Variants in MLLT10 observed in about 807,000 individuals in gnomAD.
MLLT10 encodes MLLT10 histone lysine methyltransferase DOT1L cofactor.
In MLLT10, 30 loss-of-function variants were observed where a neutral mutation model predicts 129.1. The ratio of observed to expected loss-of-function variants is 0.23; its 90% CI spans 0.17 to 0.32. MLLT10 has a LOEUF of 0.32. Ranked by LOEUF, MLLT10 falls within the 10% of genes least tolerant of loss-of-function variation. The probability of loss-of-function intolerance (pLI) is 1.00; values close to 1 mark genes in which losing one functional copy is unlikely to be tolerated. For missense variants in MLLT10, 1,119 were observed against 1,268.3 expected (o/e 0.88, Z 1.79); for synonymous variants, 490 against 446.4 (o/e 1.10, Z -1.23).
intron 3 of MLLT10, among the ~76,000 whole-genome samples, chr10:21,548,699 A>G (rs1254685237): frequency 6.6e-6 from 1 of 152,076 alleles, no homozygotes; most frequent in Non-Finnish European, 1.5e-5. Flanking sequence ...TACTGATAAT[A>G]TCTTTAACTC....
intron 9 of MLLT10, among the ~76,000 whole-genome samples, chr10:21,658,615 G>A (rs553033362): frequency 6.6e-6 from 1 of 152,292 alleles, no homozygotes; most frequent in East Asian, 1.9e-4. Context: ...TGAATACCAA[G>A]GAGTGGAATG....
Position 21,742,334 on chromosome 10 carries a change from TAGCAAA to T in MLLT10, c.*353_*358del, listed in dbSNP as rs149994406. ...TTTGTTTATAAATTGGAGATGCAAATAGCAAAACTAAATACTTGCTCCATTTACAAA... is the reference window on the plus strand; with the variant it reads ...TTTGTTTATAAATTGGAGATGCAAATACTAAATACTTGCTCCATTTACAAA... On this transcript the variant is annotated 3_prime_UTR_variant, in exon 23 of 23. Coordinates refer to ENST00000307729, the MANE Select transcript of MLLT10 (RefSeq NM_001195626.3). 643 of 256,768 alleles carry T rather than the reference TAGCAAA, an allele frequency of 2.5e-3. 1 individual carries two copies. The highest frequency in any genetic ancestry group is 3.7e-3 in the Non-Finnish European group (500 of 134,748). 15.9% of individuals were successfully genotyped at this position (256,768 alleles called of 1,614,324 possible). A position where few individuals can be genotyped will look rare whatever the true frequency, so the allele number is the denominator to read the frequency against.
chr10:21,678,763 A>G (rs968140436), intron 11 of MLLT10, among the ~76,000 whole-genome samples: 4 of 152,334 alleles, frequency 2.6e-5, no homozygotes, highest in Admixed American at 1.3e-4. Context: ...ATGCTATCTC[A>G]TTCAGCTTGG....
chr10:21,740,134 C>T lies in MLLT10; in HGVS notation c.3060C>T (p.Pro1020=), dbSNP rs898770797. Residue 1020 remains proline, a synonymous_variant, in exon 22 of 23, where the codon CCC becomes CCT. Transcript: ENST00000307729. ...AGATCCCTGGACCAACACAAATACC[C>T]ATAAACAACCTTCTTGCAGGTACAC... ...QLQIPGPTQI[P]INNLLAGTQA... The T allele has an allele frequency of 1.2e-6, 2 of 1,614,056 alleles. No homozygotes were observed. The highest frequency in any genetic ancestry group is 1.7e-5 in the Admixed American group (1 of 59,994).
intron 3 of MLLT10, among the ~76,000 whole-genome samples, chr10:21,573,191 G>A (rs972397064): frequency 6.6e-6 from 1 of 151,996 alleles, no homozygotes; most frequent in Non-Finnish European, 1.5e-5. Context: ...CTTACAGAAT[G>A]GACTTAATCT....
chr10:21,698,369 T>C (rs1029116733), intron 13 of MLLT10, among the ~76,000 whole-genome samples: 1 of 152,204 alleles, frequency 6.6e-6, no homozygotes, highest in Non-Finnish European at 1.5e-5. Flanking sequence ...TGATCTCCAG[T>C]TCCATCCATG....
intron 13 of MLLT10, 37 bp from the exon 14 acceptor site, chr10:21,713,734 TG>T (rs1219818720): frequency 1.3e-6 from 2 of 1,568,306 alleles, no homozygotes; most frequent in East Asian, 4.5e-5. Flanking sequence ...CAAATTTGAC[TG>T]CTAAGTTATA....
intron 9 of MLLT10, among the ~76,000 whole-genome samples, chr10:21,654,700 G>A (rs960575456): frequency 1.3e-5 from 2 of 152,176 alleles, no homozygotes; most frequent in Non-Finnish European, 2.9e-5. Context: ...CTATGGACGT[G>A]GGCACAGAGT....
intron 8 of MLLT10, among the ~76,000 whole-genome samples, chr10:21,643,791 C>G (rs903039565): frequency 1.3e-5 from 2 of 151,352 alleles, no homozygotes; most frequent in Non-Finnish European, 2.9e-5. Flanking sequence ...TTTTTTTTTT[C>G]CATTTTCATT....
intron 8 of MLLT10, chr10:21,625,000 C>T (rs1452982237): frequency 1.9e-6 from 2 of 1,067,538 alleles, no homozygotes; most frequent in African/African-American, 1.6e-5. Flanking sequence ...CCTCTTACTG[C>T]ATAGCCACCA....
intron 3 of MLLT10, among the ~76,000 whole-genome samples, chr10:21,556,349 C>G (rs1371205458): frequency 6.6e-6 from 1 of 152,168 alleles, no homozygotes; most frequent in African/African-American, 2.4e-5. Context: ...CATAAGTGAT[C>G]TAGCGGGGTT....
chr10:21,652,800 A>C lies in MLLT10; in HGVS notation c.795+1032A>C, dbSNP rs140849937. On this transcript the variant is annotated intron_variant, in intron 9 of 22. Coordinates refer to ENST00000307729, the MANE Select transcript of MLLT10 (RefSeq NM_001195626.3). ...GGCTGTGGAAAGTCAGAATGGAAGC[A>C]GGGAGGCCATTAGCAAGGTATGCAA... Among the ~76,000 whole-genome samples the C allele has an allele frequency of 5.2e-4, 79 of 152,310 alleles. 1 individual carries two copies. The East Asian group carries it at 0.015, about 28-fold the overall frequency.
intron 6 of MLLT10, among the ~76,000 whole-genome samples, chr10:21,613,877 G>T (rs2044935359): frequency 6.6e-6 from 1 of 151,786 alleles, no homozygotes; most frequent in African/African-American, 2.4e-5. Context: ...CTGTACTCTG[G>T]CCTGGGTGAC....
chr10:21,593,938 A>AAT (rs1464802704), intron 4 of MLLT10, among the ~76,000 whole-genome samples: 1 of 148,040 alleles, frequency 6.8e-6, no homozygotes, highest in Non-Finnish European at 1.5e-5. Flanking sequence ...AAAAAAAAAA[A>AAT]AAAAAAAAAA....
At chr10:21,663,846 A>G (rs935697581) in intron 9 of MLLT10, among the ~76,000 whole-genome samples, 2 of 152,096 alleles carry the variant, frequency 1.3e-5, no homozygotes, top group African/African-American at 4.8e-5. Context: ...AATTACAGGT[A>G]TGACCCCCAA....
Position 21,538,866 on chromosome 10 carries a change from C to A in MLLT10, c.194C>A (p.Pro65Gln). 1 of 1,613,476 alleles carries A rather than the reference C, an allele frequency of 6.2e-7. No homozygotes were observed. The highest frequency in any genetic ancestry group is 8.5e-7 in the Non-Finnish European group (1 of 1,179,578). ...GGCATTGTTCAAGTACCCACTGGAC[C>A]GTGGTTTTGCAGGAAATGTGAATCT... Reference protein sequence around the residue: ...CYGIVQVPTGPWFCRKCESQE... With the variant: ...CYGIVQVPTGQWFCRKCESQE... Residue 65 changes from proline (P) to glutamine (Q), a missense_variant, in exon 3 of 23, where the codon CCG becomes CAG. This residue lies in a region of MLLT10 where 33 missense variants were observed against 76.9 expected (regional missense o/e 0.43). Transcript: ENST00000307729.
intron 4 of MLLT10, among the ~76,000 whole-genome samples, chr10:21,589,197 TA>T (rs1288946111): frequency 6.6e-6 from 1 of 152,184 alleles, no homozygotes; most frequent in Admixed American, 6.6e-5. Context: ...TCTTTGTTTA[TA>T]TTGTGCTTTA....
chr10:21,648,800 A>G (rs1012607523), intron 8 of MLLT10, among the ~76,000 whole-genome samples: 4 of 152,248 alleles, frequency 2.6e-5, no homozygotes, highest in Non-Finnish European at 5.9e-5. Context: ...CAATTATGGC[A>G]GAAGGCGAAG....
At chr10:21,633,065 A>G (rs1330667674) in intron 8 of MLLT10, among the ~76,000 whole-genome samples, 1 of 152,230 alleles carries the variant, frequency 6.6e-6, no homozygotes, top group Non-Finnish European at 1.5e-5. Context: ...ATGGTAGCTC[A>G]TATTTAGAAA....
Sources: gnomAD v4.1 joint callset for allele counts (sites outside exome capture counted in the v4.1 genomes callset) on GRCh38, gnomAD v4.1.1 for gene constraint, gnomAD v4.1.1 regional missense constraint, MANE v1.5 for transcripts, NCBI Gene and HGNC (gene_info 2026-07-23, HGNC 2026-07-21) for gene names.